Variants in SLC19A3 observed in about 807,000 individuals in gnomAD.
SLC19A3 encodes the protein thiamine transporter 2.
SLC19A3 carries 31 observed loss-of-function variants against 40.2 expected under a neutral mutation model. The ratio of observed to expected loss-of-function variants is 0.77; its 90% CI spans 0.58 to 1.04. SLC19A3 has a LOEUF of 1.04. Ranked by LOEUF, SLC19A3 falls within the 50% of genes least tolerant of loss-of-function variation. The probability of loss-of-function intolerance (pLI) is 0.00; values close to 1 mark genes in which losing one functional copy is unlikely to be tolerated. For synonymous variants in SLC19A3, 212 were observed against 227.5 expected, an observed-to-expected ratio of 0.93 and a Z score of 0.61; for missense variants, 592 against 596.7, an observed-to-expected ratio of 0.99 and a Z score of 0.08.
At chr2:227,702,495 G>A (rs1023637436) in intron 1 of SLC19A3, 175 bp from the exon 2 acceptor site, 2 of 614,764 alleles carry the variant, frequency 3.3e-6, no homozygotes, top group South Asian at 1.9e-5. Flanking sequence ...CCGGGCTCAA[G>A]CCATTCTCCT....
intron 1 of SLC19A3, 105 bp from the exon 2 acceptor site, chr2:227,702,425 G>A (rs567950715): frequency 4.5e-5 from 52 of 1,146,694 alleles, no homozygotes; most frequent in South Asian, 3.4e-4. Context: ...ATGGAGGGTC[G>A]CTCTGTTGTC....
chr2:227,712,235 T>C (rs950553032), intron 1 of SLC19A3, among the ~76,000 whole-genome samples: 6 of 151,562 alleles, frequency 4.0e-5, no homozygotes, highest in Admixed American at 3.3e-4. Context: ...TTTTTGTCTG[T>C]ACAAAAAAAT....
At chr2:227,694,026 C>T (rs1695333979) in intron 4 of SLC19A3, among the ~76,000 whole-genome samples, 1 of 152,150 alleles carries the variant, frequency 6.6e-6, no homozygotes, top group Non-Finnish European at 1.5e-5. Context: ...GATATTATCT[C>T]ACTTCAATTT....
At chr2:227,688,092 T>C (rs1695087772) in intron 5 of SLC19A3, 74 bp downstream of exon 5, 9 of 1,516,980 alleles carry the variant, frequency 5.9e-6, no homozygotes, top group Non-Finnish European at 8.2e-6. Flanking sequence ...ACTCAAGAAA[T>C]TTAAATATTG....
intron 1 of SLC19A3, among the ~76,000 whole-genome samples, chr2:227,704,302 C>T (rs1695844326): frequency 6.6e-6 from 1 of 152,164 alleles, no homozygotes; most frequent in Admixed American, 6.5e-5. Context: ...CATCTCACTT[C>T]CTAGCTGCAT....
Position 227,713,019 on chromosome 2 carries a change from C to T in SLC19A3, c.-3+4924G>A, listed in dbSNP as rs541677265. On this transcript the variant is annotated intron_variant, in intron 1 of 5. Transcript: ENST00000644224. The stretch of plus-strand genomic sequence containing the variant: ...TTACAAACATTTGTCCAAACTCATG[C>T]ATTCATACTATACACTTATAATATA... Among the ~76,000 whole-genome samples the T allele has an allele frequency of 2.6e-5, 4 of 152,248 alleles. No homozygotes were observed. The South Asian group carries it at 8.3e-4, about 32-fold the overall frequency.
intron 4 of SLC19A3, among the ~76,000 whole-genome samples, chr2:227,694,848 A>T: frequency 6.6e-6 from 1 of 152,194 alleles, no homozygotes; most frequent in Non-Finnish European, 1.5e-5. Context: ...TGAGCCCAGG[A>T]GTTTGAGACC....
rs768590734 is a variant in SLC19A3, at chr2:227,699,507, C to G, written c.208G>C (p.Val70Leu). 1.9e-5 allele frequency: 30 copies of G among 1,614,036 alleles called. No homozygotes were observed. The highest frequency in any genetic ancestry group is 2.5e-5 in the Non-Finnish European group (30 of 1,180,036). Residue 70 changes from valine (V) to leucine (L), a missense_variant, in exon 3 of 6, where the codon GTG (valine) becomes CTG (leucine). Coordinates refer to ENST00000644224, the MANE Select transcript of SLC19A3 (RefSeq NM_025243.4). ...CGGACATAATCGGTGAGGACAAACA[C>G]AGGCAGCAGCAGCACCAGGTAGGAG... Reference protein sequence around the residue: ...TYSYLVLLLPVFVLTDYVRYK... With the variant: ...TYSYLVLLLPLFVLTDYVRYK...
chr2:227,703,562 T>C lies in SLC19A3; in HGVS notation c.-2-1242A>G, dbSNP rs1295440889. Among the ~76,000 whole-genome samples, 2 of 152,196 alleles carry C rather than the reference T, an allele frequency of 1.3e-5. No homozygotes were observed. Among genetic ancestry groups the C allele is most frequent in the Non-Finnish European group, 2.9e-5 (2 of 68,038 alleles). The stretch of plus-strand genomic sequence containing the variant: ...GCATCAGTGAGCAATGCTGACAATG[T>C]GAAAATTTTGCCAAAGGCAAATTAC... On this transcript the variant is annotated intron_variant, in intron 1 of 5. Transcript: ENST00000644224. The surrounding 1 kb of genome is among the most constrained non-coding windows in gnomAD (Gnocchi z 4.7).
At position 227,695,929 on chromosome 2, in the gene SLC19A3, T is replaced by C. The variant is rs117864472; in HGVS notation, c.1132A>G (p.Ile378Val). 7.5e-4 allele frequency: 1,203 copies of C among 1,614,094 alleles called. 18 individuals carry two copies. In the East Asian group the frequency reaches 0.022, roughly 30 times the overall value. The change falls in exon 4 of 6, where the codon ATA becomes GTA. Residue 378 changes from isoleucine to valine, a missense_variant. Transcript: ENST00000644224. ...AGAAGCATATAGCTGGACTTGAATA[T>C]CAAATAGCCAGCATAGCACGCCCAG... ...NIWACYAGYLIFKSSYMLLIT... is the reference protein window; with the variant it reads ...NIWACYAGYLVFKSSYMLLIT...
Position 227,699,332 on chromosome 2 carries a change from T to C in SLC19A3, c.383A>G (p.Tyr128Cys), listed in dbSNP as rs770685804. 8.9e-5 allele frequency: 144 copies of C among 1,614,054 alleles called. 1 individual carries two copies. In the South Asian group the frequency reaches 9.7e-4, roughly 11 times the overall value. The change falls in exon 3 of 6, where the codon TAC (tyrosine) becomes TGC (cysteine). Residue 128 changes from tyrosine (Y) to cysteine (C), a missense_variant. Physicochemically the swap from Tyr to Cys is radical, Grantham distance 194. Coordinates refer to ENST00000644224, the MANE Select transcript of SLC19A3 (RefSeq NM_025243.4). ...GTAGTGCTCGGGGCTGACCACGCTG[T>C]ATATGTAGGCGTAGTAGGCCACCTC... ...AAEVAYYAYI[Y>C]SVVSPEHYQR...
chr2:227,688,489 G>A (rs555181441), intron 4 of SLC19A3, among the ~76,000 whole-genome samples, 182 bp from the exon 5 acceptor site: 9 of 152,140 alleles, frequency 5.9e-5, no homozygotes, highest in Non-Finnish European at 8.8e-5. Context: ...TCTCTGTCTG[G>A]TAATCCAGAG....
intron 2 of SLC19A3, chr2:227,700,822 G>A (rs1464760341): frequency 3.9e-6 from 3 of 777,824 alleles, no homozygotes; most frequent in Non-Finnish European, 5.5e-6. Flanking sequence ...AAATGCATGG[G>A]ATCTCAATTT....
chr2:227,717,991 C>T lies in SLC19A3; in HGVS notation c.-51G>A, dbSNP rs551831159. ...CCAAATCGCTCACTTGCCGCACGACCACGCACCCGCGGCTGTCGGATGGAT... is the reference window on the plus strand; with the variant it reads ...CCAAATCGCTCACTTGCCGCACGACTACGCACCCGCGGCTGTCGGATGGAT... On this transcript the variant is annotated 5_prime_UTR_variant, in exon 1 of 6. Transcript: ENST00000644224. 3.0e-5 allele frequency: 30 copies of T among 985,438 alleles called. No individual in the cohort carries two copies. The African/African-American group carries it at 4.9e-4, about 16-fold the overall frequency. The allele number at this position is 985,438 out of a possible 1,614,324, so 61.0% of individuals were successfully genotyped here.
chr2:227,688,449 C>A (rs1036314274), intron 4 of SLC19A3, 142 bp from the exon 5 acceptor site: 2 of 711,778 alleles, frequency 2.8e-6, no homozygotes, highest in African/African-American at 3.6e-5. Context: ...GAGAGACTGT[C>A]TGGAAGAAAG....
At chr2:227,714,740 A>G (rs531138591) in intron 1 of SLC19A3, 1 of 262,026 alleles carries the variant, frequency 3.8e-6, no homozygotes, top group Admixed American at 6.7e-5. Context: ...ACCCAGATCC[A>G]GATCTTTCTG....
At chr2:227,716,369 G>A (rs530049744) in intron 1 of SLC19A3, among the ~76,000 whole-genome samples, 99 of 152,134 alleles carry the variant, frequency 6.5e-4, no homozygotes, top group African/African-American at 2.3e-3. Flanking sequence ...TCACTAATAA[G>A]TGCCGGGACT....
At chr2:227,715,783 C>G (rs912687565) in intron 1 of SLC19A3, among the ~76,000 whole-genome samples, 51 of 151,682 alleles carry the variant, frequency 3.4e-4, no homozygotes, top group African/African-American at 1.2e-3. Flanking sequence ...GACCTCACCT[C>G]TATAAAAAAT....
At chr2:227,707,710 T>C (rs1355288911) in intron 1 of SLC19A3, among the ~76,000 whole-genome samples, 1 of 152,196 alleles carries the variant, frequency 6.6e-6, no homozygotes, top group Non-Finnish European at 1.5e-5. Flanking sequence ...TTCTCTACTG[T>C]TTGGCCTCCA....
Sources: gnomAD v4.1 joint callset for allele counts (sites outside exome capture counted in the v4.1 genomes callset) on GRCh38, gnomAD v4.1.1 for gene constraint, Gnocchi (gnomAD v3.1) non-coding constraint, MANE v1.5 for transcripts, NCBI Gene and HGNC (gene_info 2026-07-23, HGNC 2026-07-21) for gene names.